Variants in CTNNA2 observed in about 807,000 individuals in gnomAD.
CTNNA2 encodes the protein catenin alpha-2.
Under a neutral mutation model 101.0 loss-of-function variants are expected in CTNNA2, and 42 were observed. The observed-to-expected ratio is 0.42, with a 90% CI of 0.32 to 0.54. The LOEUF (loss-of-function observed/expected upper bound fraction) is 0.54. Among genes scored for constraint, CTNNA2 ranks in the 20% least tolerant of loss-of-function variants. CTNNA2 has a pLI of 0.14. For synonymous variants in CTNNA2, 450 were observed against 456.4 expected (o/e 0.99, Z 0.18); for missense variants, 871 against 1,223.1 (o/e 0.71, Z 4.29).
Position 79,667,203 on chromosome 2 carries a change from G to A in CTNNA2, c.102+15545G>A, listed in dbSNP as rs1482864515. 1.2e-4 allele frequency among the ~76,000 whole-genome samples: 19 copies of A among 152,152 alleles called. 1 individual carries two copies. Among genetic ancestry groups the A allele is most frequent in the African/African-American group, 3.6e-4 (15 of 41,430 alleles). On this transcript the variant is annotated intron_variant, in intron 2 of 18. Coordinates refer to ENST00000402739, the MANE Select transcript of CTNNA2 (RefSeq NM_001282597.3). ...TATATCTGATTTACAATAGAGCAGC[G>A]CAAAATGTAGTAACTGGTGGCAGCC...
At position 79,322,620 on chromosome 2, in the gene CTNNA2, A is replaced by G. The variant is rs138144122; in HGVS notation, c.-318+9824A>G. Among the ~76,000 whole-genome samples the G allele has an allele frequency of 8.5e-4, 129 of 152,350 alleles. 1 individual carries two copies. The highest frequency in any genetic ancestry group is 2.9e-3 in the African/African-American group (119 of 41,596). On this transcript the variant is annotated intron_variant, in intron 3 of 21. Coordinates refer to the CTNNA2 transcript ENST00000466387. ...GTGTGGGGACTCAGGCTATCTTGAA[A>G]GACACAGAGCATATTCTCATCCACT...
intron 9 of CTNNA2, among the ~76,000 whole-genome samples, chr2:80,480,567 C>G (rs920064479): frequency 1.3e-5 from 2 of 152,018 alleles, no homozygotes; most frequent in Admixed American, 6.6e-5. Flanking sequence ...TATTGTGCGA[C>G]CTGAACCTAT....
At chr2:79,897,815 C>T in intron 6 of CTNNA2, among the ~76,000 whole-genome samples, 1 of 152,190 alleles carries the variant, frequency 6.6e-6, no homozygotes, top group East Asian at 1.9e-4. Context: ...GTTTGGTTGT[C>T]TGGTGAGGGT....
rs574060474 is a variant in CTNNA2, at chr2:79,670,382, C to T, written c.102+18724C>T. Among the ~76,000 whole-genome samples the T allele has an allele frequency of 1.8e-4, 27 of 152,262 alleles. No homozygotes were observed. The South Asian group carries it at 5.2e-3, about 29-fold the overall frequency. On this transcript the variant is annotated intron_variant, in intron 2 of 18. Coordinates refer to ENST00000402739, the MANE Select transcript of CTNNA2 (RefSeq NM_001282597.3). ...TCCTGGGTAGGGCTCCTGACTGCTCCGTGGAACAAAAGACCTGGGTCTGCA... is the reference window on the plus strand; with the variant it reads ...TCCTGGGTAGGGCTCCTGACTGCTCTGTGGAACAAAAGACCTGGGTCTGCA...
intron 8 of CTNNA2, among the ~76,000 whole-genome samples, chr2:80,413,501 C>G (rs551873372): frequency 6.6e-6 from 1 of 152,312 alleles, no homozygotes; most frequent in African/African-American, 2.4e-5. Context: ...GCTCCCACCC[C>G]AACCTGAACA....
chr2:80,043,040 C>CCTCTTTCTTTCT (rs1491166122), intron 7 of CTNNA2, among the ~76,000 whole-genome samples: 2 of 52,740 alleles, frequency 3.8e-5, no homozygotes, highest in African/African-American at 6.4e-5. Flanking sequence ...TCTTTCTTTC[C>CCTCTTTCTTTCT]TTCTTTCTTT....
intron 18 of CTNNA2, among the ~76,000 whole-genome samples, chr2:80,640,189 C>T (rs1038511164): frequency 1.2e-4 from 19 of 152,088 alleles, no homozygotes; most frequent in African/African-American, 4.1e-4. Flanking sequence ...ATACAGAAGT[C>T]GTGATACAAT....
chr2:80,586,341 T>C (rs866722008), intron 14 of CTNNA2: 1 of 152,190 alleles, frequency 6.6e-6, no homozygotes, highest in Non-Finnish European at 1.5e-5. Flanking sequence ...GACAATGAAA[T>C]GTGCATTGCT....
At chr2:80,155,994 T>C (rs764752412) in intron 7 of CTNNA2, among the ~76,000 whole-genome samples, 2 of 152,232 alleles carry the variant, frequency 1.3e-5, no homozygotes, top group Non-Finnish European at 2.9e-5. Context: ...ATGAATCACC[T>C]GGGGCTCTTG....
chr2:80,382,374 T>C (rs1426132223), intron 7 of CTNNA2, among the ~76,000 whole-genome samples: 1 of 148,998 alleles, frequency 6.7e-6, no homozygotes, highest in Non-Finnish European at 1.5e-5. Context: ...AAAAAAAAAA[T>C]GCTCATGACA....
chr2:79,762,634 T>A lies in CTNNA2; in HGVS notation c.298+18052T>A, dbSNP rs371559544. Among the ~76,000 whole-genome samples, 257 of 152,298 alleles carry A rather than the reference T, an allele frequency of 1.7e-3. 1 individual carries two copies. Among genetic ancestry groups the A allele is most frequent in the South Asian group, 0.013 (62 of 4,828 alleles). The stretch of plus-strand genomic sequence containing the variant: ...CTTCTTCTGGTATTCAGGCAAGACC[T>A]GGTCAAAAATCAGCATCTTTCAATT... On this transcript the variant is annotated intron_variant, in intron 3 of 18. Transcript: ENST00000402739.
At chr2:80,524,322 G>A (rs897974336) in intron 9 of CTNNA2, among the ~76,000 whole-genome samples, 17 of 152,156 alleles carry the variant, frequency 1.1e-4, no homozygotes, top group Non-Finnish European at 2.4e-4. Context: ...CTCTTACCTT[G>A]AATATATAAT....
chr2:79,781,514 G>T lies in CTNNA2; in HGVS notation c.298+36932G>T, dbSNP rs1558924212. 1.3e-5 allele frequency among the ~76,000 whole-genome samples: 2 copies of T among 152,150 alleles called. 1 individual carries two copies. The highest frequency in any genetic ancestry group is 3.8e-4 in the East Asian group (2 of 5,196). The stretch of plus-strand genomic sequence containing the variant: ...AATGCCTATGACACTAGGAGCTTTA[G>T]TGTATAGCCCATTTGCCAAAAACAG... On this transcript the variant is annotated intron_variant, in intron 3 of 18. Coordinates refer to ENST00000402739, the MANE Select transcript of CTNNA2 (RefSeq NM_001282597.3).
intron 2 of CTNNA2, among the ~76,000 whole-genome samples, chr2:79,722,337 G>A (rs983492454): frequency 2.6e-5 from 4 of 152,184 alleles, no homozygotes; most frequent in African/African-American, 9.7e-5. Flanking sequence ...ATTGTCTGAT[G>A]TGGCAGCCTT....
At chr2:80,027,827 G>T (rs569550841) in intron 7 of CTNNA2, among the ~76,000 whole-genome samples, 2 of 151,664 alleles carry the variant, frequency 1.3e-5, no homozygotes, top group South Asian at 4.2e-4. Flanking sequence ...TTAAAAATTA[G>T]GTAGACGTGG....
chr2:80,490,282 C>CCCA (rs1686950125), intron 9 of CTNNA2, among the ~76,000 whole-genome samples: 1 of 72,870 alleles, frequency 1.4e-5, no homozygotes, highest in African/African-American at 7.4e-5. Flanking sequence ...CCCCCCCCAC[C>CCCA]CCCCCCCCGG....
At chr2:79,792,790 C>A (rs1251075656) in intron 3 of CTNNA2, among the ~76,000 whole-genome samples, 2 of 152,148 alleles carry the variant, frequency 1.3e-5, no homozygotes, top group Non-Finnish European at 2.9e-5. Flanking sequence ...GACATTGTCA[C>A]TTGTGAGTAC....
At chr2:80,466,523 T>C (rs1684866204) in intron 9 of CTNNA2, among the ~76,000 whole-genome samples, 1 of 152,218 alleles carries the variant, frequency 6.6e-6, no homozygotes, top group Non-Finnish European at 1.5e-5. Flanking sequence ...TAGAGGAGCC[T>C]CTTAATAAAA....
intron 7 of CTNNA2, among the ~76,000 whole-genome samples, chr2:80,135,639 T>G (rs945393789): frequency 6.6e-6 from 1 of 152,090 alleles, no homozygotes; most frequent in African/African-American, 2.4e-5. Context: ...AACCATCCAG[T>G]TTAATGACTG....
Sources: gnomAD v4.1 joint callset for allele counts (sites outside exome capture counted in the v4.1 genomes callset) on GRCh38, gnomAD v4.1.1 for gene constraint, MANE v1.5 for transcripts, NCBI Gene and HGNC (gene_info 2026-07-23, HGNC 2026-07-21) for gene names.